The following WIF1 variants were observed in gnomAD, a reference collection of about 807,000 sequenced individuals.
WIF1 encodes the protein Wnt inhibitory factor 1.
Under a neutral mutation model 53.5 loss-of-function variants are expected in WIF1, and 35 were observed. The observed-to-expected ratio is 0.65, with a 90% confidence interval of 0.50 to 0.87. The LOEUF (loss-of-function observed/expected upper bound fraction) is 0.87. WIF1 is among the 40% of genes least tolerant of loss of function. The pLI, the probability that WIF1 is intolerant of heterozygous loss-of-function variation, is 0.00. For synonymous variants in WIF1, 171 were observed against 170.4 expected (o/e 1.00, Z -0.03); for missense variants, 467 against 476.8 (o/e 0.98, Z 0.19).
At chr12:65,100,819 A>G (rs1883271471) in intron 2 of WIF1, among the ~76,000 whole-genome samples, 1 of 152,098 alleles carries the variant, frequency 6.6e-6, no homozygotes, top group African/African-American at 2.4e-5. Context: ...CCAGGAGTTC[A>G]AGACTAGCCT....
In WIF1 at chr12:65,071,358, G is replaced by A. The variant is rs185659470; in HGVS notation, c.398-2454C>T. The stretch of plus-strand genomic sequence containing the variant: ...GGCCTGTGGTGATGCTAGAAGATAC[G>A]GCTTTCCACCATTGCAGGGAACAAA... On this transcript the variant is annotated intron_variant, in intron 3 of 9. Transcript: ENST00000286574. Among the ~76,000 whole-genome samples, 16 of 152,002 alleles carry A rather than the reference G, an allele frequency of 1.1e-4. No individual in the cohort carries two copies. In the East Asian group the frequency reaches 1.9e-3, roughly 18 times the overall value.
At chr12:65,088,849 C>T (rs796149904) in intron 2 of WIF1, among the ~76,000 whole-genome samples, 18 of 151,694 alleles carry the variant, frequency 1.2e-4, no homozygotes, top group African/African-American at 3.6e-4. Flanking sequence ...TGCATAGCTT[C>T]GATGTTCATA....
chr12:65,074,597 C>A (rs1431620411), intron 3 of WIF1, among the ~76,000 whole-genome samples: 3 of 151,774 alleles, frequency 2.0e-5, no homozygotes, highest in Admixed American at 6.6e-5. Flanking sequence ...GCAGGCAGAT[C>A]ACTTGAGGTC....
At chr12:65,102,420 C>T (rs1180370622) in intron 2 of WIF1, among the ~76,000 whole-genome samples, 1 of 152,152 alleles carries the variant, frequency 6.6e-6, no homozygotes, top group African/African-American at 2.4e-5. Context: ...CAGGAGTTCT[C>T]TCTCCCCATA....
At chr12:65,093,526 G>T (rs970480341) in intron 2 of WIF1, among the ~76,000 whole-genome samples, 1 of 151,916 alleles carries the variant, frequency 6.6e-6, no homozygotes, top group Non-Finnish European at 1.5e-5. Context: ...TGTAATTCCT[G>T]TTCCTAGATG....
chr12:65,112,404 T>A (rs1376512816), intron 2 of WIF1, among the ~76,000 whole-genome samples: 4 of 123,446 alleles, frequency 3.2e-5, no homozygotes, highest in Admixed American at 8.5e-5. Context: ...CCTGCTCTAA[T>A]CACACACACA....
chr12:65,084,271 G>C (rs539469072), intron 2 of WIF1, among the ~76,000 whole-genome samples: 1 of 152,134 alleles, frequency 6.6e-6, no homozygotes, highest in East Asian at 1.9e-4. Context: ...CTTTAAAAGT[G>C]GCCAATACAT....
rs554390372 is a variant in WIF1, at chr12:65,066,758, G to C, written c.635-22C>G. ...AGGGCTTATAGGGAGAGAGAACCCT[G>C]ATTAAGGCCAAATGGTATTTTGGAG... On this transcript the variant is annotated intron_variant, in intron 5 of 9. Transcript: ENST00000286574. 3.9e-6 allele frequency: 6 copies of C among 1,551,910 alleles called. No individual in the cohort carries two copies. In the South Asian group the frequency reaches 7.3e-5, roughly 19 times the overall value.
At position 65,053,701 on chromosome 12, in the gene WIF1, C is replaced by T. The variant is rs763108819; in HGVS notation, c.1018+1417G>A. 1.3e-5 allele frequency among the ~76,000 whole-genome samples: 2 copies of T among 152,046 alleles called. 1 individual carries two copies. Among genetic ancestry groups the T allele is most frequent in the South Asian group, 4.2e-4 (2 of 4,818 alleles). On this transcript the variant is annotated intron_variant, in intron 9 of 9. Transcript: ENST00000286574. ...ACAGACTAATACATGTAACCTAGACCAGATACCAACCTACCTTAAAGTAAA... is the reference window on the plus strand; with the variant it reads ...ACAGACTAATACATGTAACCTAGACTAGATACCAACCTACCTTAAAGTAAA...
chr12:65,069,551 C>T (rs1882741877), intron 3 of WIF1, among the ~76,000 whole-genome samples: 1 of 152,120 alleles, frequency 6.6e-6, no homozygotes, highest in South Asian at 2.1e-4. Flanking sequence ...TAAGAAGTGT[C>T]CATATCTCAG....
intron 2 of WIF1, among the ~76,000 whole-genome samples, chr12:65,118,545 G>C (rs750123662): frequency 6.6e-6 from 1 of 152,176 alleles, no homozygotes; most frequent in Non-Finnish European, 1.5e-5. Flanking sequence ...AGAGAGAAAG[G>C]TAGCTTAATT....
intron 2 of WIF1, among the ~76,000 whole-genome samples, chr12:65,093,840 C>G (rs1346917707): frequency 6.6e-6 from 1 of 152,152 alleles, no homozygotes; most frequent in East Asian, 1.9e-4. Context: ...GTTCAAACTT[C>G]TAAGCCTTTG....
chr12:65,100,995 T>C (rs369339467), intron 2 of WIF1, among the ~76,000 whole-genome samples: 1 of 152,182 alleles, frequency 6.6e-6, no homozygotes, highest in East Asian at 1.9e-4. Flanking sequence ...ACAAATCTTC[T>C]TAGGTGAGTT....
chr12:65,103,555 C>T (rs943132111), intron 2 of WIF1, among the ~76,000 whole-genome samples: 57 of 152,102 alleles, frequency 3.7e-4, no homozygotes, highest in African/African-American at 1.4e-3. Flanking sequence ...AAAAATATTC[C>T]ACTAGTCTGG....
intron 8 of WIF1, 109 bp from the exon 9 acceptor site, chr12:65,055,322 C>T (rs1882506809): frequency 8.0e-7 from 1 of 1,257,742 alleles, no homozygotes; most frequent in Non-Finnish European, 1.1e-6. Flanking sequence ...TTGGCTTCAT[C>T]CTCTAATTTT....
chr12:65,062,362 A>G, intron 7 of WIF1, 119 bp downstream of exon 7: 1 of 873,118 alleles, frequency 1.1e-6, no homozygotes, highest in Non-Finnish European at 1.7e-6. Flanking sequence ...CTGGCCTAAG[A>G]CCTTAGACAA....
intron 8 of WIF1, among the ~76,000 whole-genome samples, chr12:65,055,517 A>T (rs1339237218): frequency 6.6e-6 from 1 of 152,208 alleles, no homozygotes; most frequent in African/African-American, 2.4e-5. Flanking sequence ...CATGCCTGTA[A>T]TCCCAACACT....
rs1038063985 is a variant in WIF1 at position 65,091,487 on chromosome 12, T to C, written c.289-13633A>G. On this transcript the variant is annotated intron_variant, in intron 2 of 9. Coordinates refer to ENST00000286574, the MANE Select transcript of WIF1 (RefSeq NM_007191.5). Reference sequence around the variant, plus strand: ...ATCTCTGATAATAATACTATTTGCCTGAACTTAGCTAATAAGAGTATCTGC... The same window carrying C: ...ATCTCTGATAATAATACTATTTGCCCGAACTTAGCTAATAAGAGTATCTGC... Among the ~76,000 whole-genome samples the C allele has an allele frequency of 2.0e-5, 3 of 151,824 alleles. No homozygotes were observed. In the East Asian group the frequency reaches 5.8e-4, roughly 29 times the overall value.
At position 65,052,463 on chromosome 12, in the gene WIF1, C is replaced by T. The variant is rs187195912; in HGVS notation, c.1019-993G>A. ...TTCTGTTGGCGAGGGTGAGCCTATGCGGGGACTTCTGTCTCCAGTATCCTC... is the reference window on the plus strand; with the variant it reads ...TTCTGTTGGCGAGGGTGAGCCTATGTGGGGACTTCTGTCTCCAGTATCCTC... On this transcript the variant is annotated intron_variant, in intron 9 of 9. Transcript: ENST00000286574. Among the ~76,000 whole-genome samples, 445 of 152,190 alleles carry T rather than the reference C, an allele frequency of 2.9e-3. 2 individuals carry two copies. Among genetic ancestry groups the T allele is most frequent in the Admixed American group, 8.4e-3 (129 of 15,292 alleles).
Sources: gnomAD v4.1 joint callset for allele counts (sites outside exome capture counted in the v4.1 genomes callset) on GRCh38, gnomAD v4.1.1 for gene constraint, MANE v1.5 for transcripts, NCBI Gene and HGNC (gene_info 2026-07-23, HGNC 2026-07-21) for gene names.